TAF3: variants seen among roughly 807,000 people sequenced by gnomAD.
TAF3 encodes the protein TATA-box binding protein associated factor 3, also known as transcription initiation factor TFIID subunit 3.
A neutral mutation model predicts 80.6 loss-of-function variants in TAF3; 7 were observed. The ratio of observed to expected loss-of-function variants is 0.09; its 90% CI spans 0.05 to 0.16. The LOEUF is 0.16. TAF3 is among the 10% of genes least tolerant of loss of function. The pLI, the probability that TAF3 is intolerant of heterozygous loss-of-function variation, is 1.00. For synonymous variants in TAF3, 444 were observed against 446.1 expected, an observed-to-expected ratio of 1.00 and a Z score of 0.06; for missense variants, 921 against 1,140.2, an observed-to-expected ratio of 0.81 and a Z score of 2.77.
rs190884007 is a variant in TAF3, at chr10:7,925,381, A to T, written c.410-38539A>T. 2.3e-4 allele frequency among the ~76,000 whole-genome samples: 35 copies of T among 152,340 alleles called. No homozygotes were observed. In the East Asian group the frequency reaches 6.7e-3, roughly 29 times the overall value. On this transcript the variant is annotated intron_variant, in intron 2 of 6. Coordinates refer to ENST00000344293, the MANE Select transcript of TAF3 (RefSeq NM_031923.4). The stretch of plus-strand genomic sequence containing the variant: ...CTTGGCTTAGTTGTAGGCAACAAGT[A>T]AATGCATGTGAATATGTTTCGTCCT...
chr10:7,842,313 C>A (rs1252575897), intron 2 of TAF3, among the ~76,000 whole-genome samples: 4 of 151,508 alleles, frequency 2.6e-5, no homozygotes, highest in Non-Finnish European at 4.4e-5. Flanking sequence ...ACATGCACCA[C>A]CACACTCAAC....
intron 2 of TAF3, among the ~76,000 whole-genome samples, chr10:7,909,495 A>G (rs931044381): frequency 6.6e-6 from 1 of 152,236 alleles, no homozygotes; most frequent in Non-Finnish European, 1.5e-5. Context: ...AACTAGTGTC[A>G]TTGGATAAAG....
chr10:8,009,476 T>C lies in TAF3; in HGVS notation c.2568+146T>C. 4.0e-6 allele frequency: 5 copies of C among 1,255,400 alleles called. No individual in the cohort carries two copies. The highest frequency in any genetic ancestry group is 2.1e-6 in the Non-Finnish European group (2 of 946,262). The allele number at this position is 1,255,400 out of a possible 1,614,324, so 77.8% of individuals were successfully genotyped here. A position where few individuals can be genotyped will look rare whatever the true frequency, so the allele number is the denominator to read the frequency against. On this transcript the variant is annotated intron_variant, in intron 5 of 6. Transcript: ENST00000344293. This position sits in a 1 kb window ranked among gnomAD's most constrained non-coding sequence, Gnocchi z 4.1. ...TTATTTTTGAGACAGGGTCTCCCTG[T>C]GTGGCTCAGGCTGGAGTACAGTGGC...
At chr10:7,880,791 T>C (rs1264597218) in intron 2 of TAF3, among the ~76,000 whole-genome samples, 3 of 152,204 alleles carry the variant, frequency 2.0e-5, no homozygotes, top group Admixed American at 6.5e-5. Flanking sequence ...ACATTGTAAT[T>C]TGGCAAAGAT....
intron 1 of TAF3, among the ~76,000 whole-genome samples, chr10:7,819,264 A>G (rs1034857838): frequency 1.3e-5 from 2 of 151,946 alleles, no homozygotes; most frequent in Non-Finnish European, 2.9e-5. Context: ...GCAAACTACT[A>G]CAACTAGTTG....
intron 2 of TAF3, among the ~76,000 whole-genome samples, chr10:7,845,898 T>G (rs1317187600): frequency 1.3e-5 from 2 of 152,184 alleles, no homozygotes; most frequent in African/African-American, 2.4e-5. Context: ...ACAGATTATT[T>G]CTTATGGTTG....
At position 7,964,804 on chromosome 10, in the gene TAF3, A is replaced by T; in HGVS notation, c.1294A>T (p.Thr432Ser). ...TAAGAGAATTTCAGGCCCGGAGTGT[A>T]CTACTCCCAAAGCTTCCACTTCCGC... The part of the protein sequence containing the change: ...SPKRISGPEC[T>S]TPKASTSANN... Residue 432 changes from threonine to serine, a missense_variant, in exon 3 of 7, where the codon ACT (threonine) becomes TCT (serine). By Grantham distance (58) the Thr-to-Ser change is moderately conservative. This residue lies in a region of TAF3 where 743 missense variants were observed against 821.0 expected (regional missense o/e 0.90). Coordinates refer to ENST00000344293, the MANE Select transcript of TAF3 (RefSeq NM_031923.4). The surrounding 1 kb of genome is among the most constrained non-coding windows in gnomAD (Gnocchi z 4.1). 6.2e-7 allele frequency: 1 copy of T among 1,614,194 alleles called. No individual in the cohort carries two copies. Among genetic ancestry groups the T allele is most frequent in the Middle Eastern group, 1.6e-4 (1 of 6,062 alleles).
chr10:7,914,456 T>G (rs1367738987), intron 2 of TAF3, among the ~76,000 whole-genome samples: 1 of 152,226 alleles, frequency 6.6e-6, no homozygotes, highest in Non-Finnish European at 1.5e-5. Context: ...TTTATTGTCT[T>G]TCTTACCTCA....
At chr10:7,886,184 C>G (rs1257570651) in intron 2 of TAF3, among the ~76,000 whole-genome samples, 1 of 152,162 alleles carries the variant, frequency 6.6e-6, no homozygotes, top group Admixed American at 6.5e-5. Context: ...CTGCTTTGGC[C>G]TCCCGAAGTG....
At chr10:7,979,796 G>A (rs1295744725) in intron 4 of TAF3, among the ~76,000 whole-genome samples, 2 of 132,772 alleles carry the variant, frequency 1.5e-5, no homozygotes, top group Non-Finnish European at 3.2e-5. Flanking sequence ...AACTTATTCA[G>A]TAAAGTGCTT....
rs1009773533 is a variant in TAF3, at chr10:7,818,538, C to G, written c.-172C>G. On this transcript the variant is annotated 5_prime_UTR_variant, in exon 1 of 7. Transcript: ENST00000344293. ...GCGGAGCGAGTCCAAAATGGCGGCTCTCAGGCTGGCGCGCTCCGTGCTGCT... is the reference window on the plus strand; with the variant it reads ...GCGGAGCGAGTCCAAAATGGCGGCTGTCAGGCTGGCGCGCTCCGTGCTGCT... 8.1e-6 allele frequency: 5 copies of G among 616,780 alleles called. No individual in the cohort carries two copies. Among genetic ancestry groups the G allele is most frequent in the Non-Finnish European group, 1.0e-5 (4 of 392,326 alleles). 38.2% of individuals were successfully genotyped at this position (616,780 alleles called of 1,614,324 possible). A position where few individuals can be genotyped will look rare whatever the true frequency, so the allele number is the denominator to read the frequency against.
intron 2 of TAF3, among the ~76,000 whole-genome samples, chr10:7,958,058 A>G (rs148059024): frequency 1.3e-5 from 2 of 152,360 alleles, no homozygotes; most frequent in South Asian, 2.1e-4. Flanking sequence ...ACAGATTATT[A>G]GTAAATGATG....
chr10:7,841,650 C>CAG (rs34307551), intron 2 of TAF3, among the ~76,000 whole-genome samples: 98,053 of 151,788 alleles, frequency 0.65, 32,102 homozygotes, highest in South Asian at 0.88. Context: ...ACCCAAGGGA[C>CAG]ATGATAGGAA....
At chr10:7,978,325 A>G (rs1201411799) in intron 4 of TAF3, among the ~76,000 whole-genome samples, 3 of 152,188 alleles carry the variant, frequency 2.0e-5, no homozygotes, top group African/African-American at 7.2e-5. Context: ...AGTTACATGT[A>G]TTGATACTGT....
Position 7,888,462 on chromosome 10 carries a change from C to G in TAF3, c.409+63902C>G, listed in dbSNP as rs116640812. On this transcript the variant is annotated intron_variant, in intron 2 of 6. Coordinates refer to ENST00000344293, the MANE Select transcript of TAF3 (RefSeq NM_031923.4). ...TTGATACATTTAAACATTGACACCC[C>G]TTAATTAGTAATAGGCTCAGGTCGT... 1.8e-3 allele frequency among the ~76,000 whole-genome samples: 270 copies of G among 152,238 alleles called. 1 individual carries two copies. The highest frequency in any genetic ancestry group is 6.2e-3 in the African/African-American group (258 of 41,538).
intron 2 of TAF3, among the ~76,000 whole-genome samples, chr10:7,948,528 G>A (rs1838049624): frequency 6.6e-6 from 1 of 152,148 alleles, no homozygotes; most frequent in African/African-American, 2.4e-5. Flanking sequence ...TAATTTCATA[G>A]CATTTTTCTC....
At chr10:7,929,811 T>TGGTA (rs906952521) in intron 2 of TAF3, among the ~76,000 whole-genome samples, 66 of 151,788 alleles carry the variant, frequency 4.3e-4, no homozygotes, top group African/African-American at 1.5e-3. Flanking sequence ...GGTTCTAAAG[T>TGGTA]GGTAAGATGG....
chr10:7,904,962 C>T (rs1157107412), intron 2 of TAF3, among the ~76,000 whole-genome samples: 1 of 152,130 alleles, frequency 6.6e-6, no homozygotes, highest in African/African-American at 2.4e-5. Context: ...GCATCCTTTC[C>T]CTCACACTGC....
In TAF3 at chr10:7,845,921, T is replaced by G. The variant is rs185047141; in HGVS notation, c.409+21361T>G. ...TTTCTTATGGTTGAAAAAGTTTGATTTCTGAGTTTAAAAGGATGAAGTGGT... is the reference window on the plus strand; with the variant it reads ...TTTCTTATGGTTGAAAAAGTTTGATGTCTGAGTTTAAAAGGATGAAGTGGT... On this transcript the variant is annotated intron_variant, in intron 2 of 6. Transcript: ENST00000344293. Among the ~76,000 whole-genome samples the G allele has an allele frequency of 2.4e-4, 37 of 152,172 alleles. No individual in the cohort carries two copies. In the East Asian group the frequency reaches 6.6e-3, roughly 27 times the overall value.
Sources: gnomAD v4.1 joint callset for allele counts (sites outside exome capture counted in the v4.1 genomes callset) on GRCh38, gnomAD v4.1.1 for gene constraint, gnomAD v4.1.1 regional missense constraint, Gnocchi (gnomAD v3.1) non-coding constraint, MANE v1.5 for transcripts, NCBI Gene and HGNC (gene_info 2026-07-23, HGNC 2026-07-21) for gene names.